The following AGBL4 variants were observed in gnomAD, a reference collection of about 807,000 sequenced individuals.
AGBL4 encodes AGBL carboxypeptidase 4, also known as cytosolic carboxypeptidase 6.
In AGBL4, 58 loss-of-function variants were observed where a neutral mutation model predicts 66.4. The ratio of observed to expected loss-of-function variants is 0.87; its 90% CI spans 0.71 to 1.09. The LOEUF is 1.09. AGBL4 is among the 50% of genes least tolerant of loss of function. AGBL4 has a pLI of 0.00. For missense variants in AGBL4, 579 were observed against 631.0 expected, an observed-to-expected ratio of 0.92 and a Z score of 0.88; for synonymous variants, 234 against 222.9, an observed-to-expected ratio of 1.05 and a Z score of -0.44.
chr1:48,782,058 T>C (rs113596216), intron 6 of AGBL4, among the ~76,000 whole-genome samples: 5,265 of 152,314 alleles, frequency 0.035, 135 homozygotes, highest in Middle Eastern at 0.054. Flanking sequence ...AGTTTGGCTC[T>C]GGGGAGCCCT....
At chr1:49,519,089 A>G (rs929099156) in intron 3 of AGBL4, among the ~76,000 whole-genome samples, 5 of 152,076 alleles carry the variant, frequency 3.3e-5, no homozygotes, top group African/African-American at 9.7e-5. Context: ...CTGAAACTAT[A>G]TTAATGGGTT....
At chr1:49,452,229 A>C (rs1482250707) in intron 3 of AGBL4, among the ~76,000 whole-genome samples, 2 of 151,854 alleles carry the variant, frequency 1.3e-5, no homozygotes, top group Non-Finnish European at 2.9e-5. Flanking sequence ...CCTCCATCCC[A>C]GCTAACACCG....
rs536813865 is a variant in AGBL4 at position 48,775,992 on chromosome 1, G to T, written c.634+91199C>A. On this transcript the variant is annotated intron_variant, in intron 6 of 13. Transcript: ENST00000371839. ...CTGCCACCTGGCCAGGGAGGGGCAG[G>T]AGAGTGTGGTGTGGAGCCCAGTGCA... 3.3e-5 allele frequency among the ~76,000 whole-genome samples: 5 copies of T among 152,330 alleles called. No individual in the cohort carries two copies. The East Asian group carries it at 9.7e-4, about 29-fold the overall frequency.
At chr1:49,739,788 T>A (rs373416385) in intron 2 of AGBL4, among the ~76,000 whole-genome samples, 5 of 152,178 alleles carry the variant, frequency 3.3e-5, no homozygotes, top group Non-Finnish European at 7.3e-5. Context: ...CAGAATTTCA[T>A]AACCAGCCAA....
At chr1:49,135,011 A>G (rs1204917548) in intron 4 of AGBL4, among the ~76,000 whole-genome samples, 1 of 151,886 alleles carries the variant, frequency 6.6e-6, no homozygotes. Context: ...TATAGTATAC[A>G]TATATTGTAT....
At chr1:49,094,926 T>C (rs934586284) in intron 4 of AGBL4, among the ~76,000 whole-genome samples, 3 of 152,170 alleles carry the variant, frequency 2.0e-5, no homozygotes, top group African/African-American at 7.2e-5. Flanking sequence ...ATTGTATATC[T>C]AGAAAACCCC....
intron 3 of AGBL4, among the ~76,000 whole-genome samples, chr1:49,257,160 C>A (rs570147542): frequency 5.0e-4 from 76 of 151,386 alleles, no homozygotes; most frequent in South Asian, 1.5e-3. Context: ...AAATGAAAGT[C>A]AATGATTGAA....
At chr1:48,764,152 T>A (rs1049349755) in intron 6 of AGBL4, among the ~76,000 whole-genome samples, 1 of 152,178 alleles carries the variant, frequency 6.6e-6, no homozygotes, top group African/African-American at 2.4e-5. Context: ...GAGAAGTAAC[T>A]GCTAAAGGAT....
chr1:48,858,916 T>C (rs1232285026), intron 6 of AGBL4, among the ~76,000 whole-genome samples: 1 of 152,172 alleles, frequency 6.6e-6, no homozygotes. Context: ...TCTAAAAGTA[T>C]GATAAAGTAT....
chr1:48,536,180 C>T (rs1643967917), intron 12 of AGBL4, among the ~76,000 whole-genome samples: 2 of 151,960 alleles, frequency 1.3e-5, no homozygotes, highest in African/African-American at 2.4e-5. Flanking sequence ...TATGAGCTCA[C>T]CATCTACAAG....
At chr1:48,607,211 T>C (rs1645166834) in intron 9 of AGBL4, among the ~76,000 whole-genome samples, 1 of 152,216 alleles carries the variant, frequency 6.6e-6, no homozygotes, top group African/African-American at 2.4e-5. Flanking sequence ...TAAATTTAAA[T>C]TAATTAAAAT....
rs1341096149 is a variant in AGBL4 at position 49,880,063 on chromosome 1, TA to T, written c.35-28546del. 2.6e-5 allele frequency among the ~76,000 whole-genome samples: 4 copies of T among 151,550 alleles called. No individual in the cohort carries two copies. In the East Asian group the frequency reaches 7.7e-4, roughly 29 times the overall value. ...TGGTTATTCTAGTTATACATTCCTCTAAATTTTTTTCAAAGTCTTCAACTTC... is the reference window on the plus strand; with the variant it reads ...TGGTTATTCTAGTTATACATTCCTCTAATTTTTTTCAAAGTCTTCAACTTC... On this transcript the variant is annotated intron_variant, in intron 1 of 13. Coordinates refer to ENST00000371839, the MANE Select transcript of AGBL4 (RefSeq NM_032785.4).
chr1:49,498,984 A>T (rs1195394613), intron 3 of AGBL4, among the ~76,000 whole-genome samples: 2 of 151,966 alleles, frequency 1.3e-5, no homozygotes, highest in Non-Finnish European at 2.9e-5. Flanking sequence ...AAATTTTTAC[A>T]CCTATGTTCA....
intron 3 of AGBL4, among the ~76,000 whole-genome samples, chr1:49,482,364 C>T (rs534607774): frequency 6.6e-6 from 1 of 151,666 alleles, no homozygotes; most frequent in Non-Finnish European, 1.5e-5. Flanking sequence ...TTCAGTCATG[C>T]GAGGGTGTAA....
At chr1:49,927,473 G>A (rs990548414) in intron 1 of AGBL4, among the ~76,000 whole-genome samples, 5 of 152,138 alleles carry the variant, frequency 3.3e-5, no homozygotes, top group African/African-American at 7.2e-5. Flanking sequence ...AATGCCAGAC[G>A]CTTATAAAAC....
chr1:49,089,533 A>C (rs1175312924), intron 4 of AGBL4, among the ~76,000 whole-genome samples: 4 of 152,138 alleles, frequency 2.6e-5, no homozygotes, highest in Admixed American at 1.3e-4. Context: ...TGTCTATACA[A>C]GACTGAACAA....
Position 49,232,923 on chromosome 1 carries a change from T to C in AGBL4, c.377+12847A>G, listed in dbSNP as rs562182726. On this transcript the variant is annotated intron_variant, in intron 4 of 13. Transcript: ENST00000371839. ...TTGTTTATATCATTAAATGTATATA[T>C]GATATTTAGCTTTGTTTTAAAATAT... is the stretch of plus-strand genomic sequence containing the variant. Among the ~76,000 whole-genome samples, 5 of 152,336 alleles carry C rather than the reference T, an allele frequency of 3.3e-5. 1 individual carries two copies. The highest frequency in any genetic ancestry group is 7.2e-5 in the African/African-American group (3 of 41,580).
At chr1:48,913,240 T>C (rs939621578) in intron 5 of AGBL4, among the ~76,000 whole-genome samples, 3 of 151,720 alleles carry the variant, frequency 2.0e-5, no homozygotes, top group Non-Finnish European at 4.4e-5. Context: ...GGTGGAGAGG[T>C]AATGGGGGAA....
chr1:48,922,762 AT>A (rs1654197061), intron 5 of AGBL4, among the ~76,000 whole-genome samples: 1 of 152,160 alleles, frequency 6.6e-6, no homozygotes, highest in Non-Finnish European at 1.5e-5. Context: ...ATTCTAGGAA[AT>A]TTTTAATAAT....
Sources: gnomAD v4.1 joint callset for allele counts (sites outside exome capture counted in the v4.1 genomes callset) on GRCh38, gnomAD v4.1.1 for gene constraint, MANE v1.5 for transcripts, NCBI Gene and HGNC (gene_info 2026-07-23, HGNC 2026-07-21) for gene names.